Variants in IMMP2L observed in about 807,000 individuals in gnomAD.
IMMP2L encodes the protein inner mitochondrial membrane peptidase subunit 2.
In IMMP2L, 18 loss-of-function variants were observed where a neutral mutation model predicts 19.3. The observed-to-expected ratio is 0.93, with a 90% confidence interval of 0.64 to 1.38. The LOEUF is 1.38. Among genes scored for constraint, IMMP2L ranks in the 40% most tolerant of loss-of-function variants. The pLI is 0.00. For synonymous variants in IMMP2L, 76 were observed against 73.0 expected, an observed-to-expected ratio of 1.04 and a Z score of -0.21; for missense variants, 233 against 218.2, an observed-to-expected ratio of 1.07 and a Z score of -0.43.
At chr7:111,000,425 T>C (rs1173083162) in intron 3 of IMMP2L, among the ~76,000 whole-genome samples, 1 of 152,240 alleles carries the variant, frequency 6.6e-6, no homozygotes, top group Non-Finnish European at 1.5e-5. Flanking sequence ...CATCAGAAGA[T>C]AATGTGATGT....
intron 3 of IMMP2L, among the ~76,000 whole-genome samples, chr7:111,403,173 T>C (rs1833614311): frequency 6.6e-6 from 1 of 152,006 alleles, no homozygotes; most frequent in African/African-American, 2.4e-5. Flanking sequence ...GGTGACTGTA[T>C]CACAGGGCGG....
chr7:110,960,390 C>A (rs1230880473), intron 4 of IMMP2L, among the ~76,000 whole-genome samples: 1 of 151,860 alleles, frequency 6.6e-6, no homozygotes, highest in Non-Finnish European at 1.5e-5. Context: ...CTCTGGGAAT[C>A]ACTAATCTAT....
intron 3 of IMMP2L, among the ~76,000 whole-genome samples, chr7:111,359,445 G>C (rs549248353): frequency 2.0e-5 from 3 of 151,986 alleles, no homozygotes; most frequent in Admixed American, 6.6e-5. Flanking sequence ...GGGATTATAG[G>C]CACCCGCCAC....
intron 4 of IMMP2L, among the ~76,000 whole-genome samples, chr7:110,928,108 GA>G (rs537457460): frequency 6.6e-6 from 1 of 151,368 alleles, no homozygotes; most frequent in Non-Finnish European, 1.5e-5. Context: ...TGAAGTAGAA[GA>G]AAAAAAGAGT....
At chr7:111,438,381 G>A (rs1837398807) in intron 3 of IMMP2L, among the ~76,000 whole-genome samples, 1 of 151,342 alleles carries the variant, frequency 6.6e-6, no homozygotes, top group Non-Finnish European at 1.5e-5. Context: ...ATTAAAAAAA[G>A]AAGATTTTTA....
At chr7:110,859,821 G>A (rs1807205898) in intron 5 of IMMP2L, among the ~76,000 whole-genome samples, 1 of 151,116 alleles carries the variant, frequency 6.6e-6, no homozygotes, top group Non-Finnish European at 1.5e-5. Context: ...TGTGTCTTTT[G>A]TCAGGAGTAA....
chr7:110,836,524 C>A (rs555611506), intron 5 of IMMP2L, among the ~76,000 whole-genome samples: 10 of 152,224 alleles, frequency 6.6e-5, no homozygotes, highest in Non-Finnish European at 1.3e-4. Context: ...GTGAGACGTG[C>A]CTTTCACCTT....
intron 3 of IMMP2L, among the ~76,000 whole-genome samples, chr7:111,432,071 G>C (rs569521678): frequency 6.6e-6 from 1 of 151,938 alleles, no homozygotes; most frequent in African/African-American, 2.4e-5. Flanking sequence ...AGAAGTTCCA[G>C]AGACCTAGAC....
intron 3 of IMMP2L, among the ~76,000 whole-genome samples, chr7:111,048,679 G>C (rs534432283): frequency 6.6e-6 from 1 of 152,170 alleles, no homozygotes; most frequent in Non-Finnish European, 1.5e-5. Context: ...TAGGTACATC[G>C]TCAAGAGGTT....
intron 3 of IMMP2L, among the ~76,000 whole-genome samples, chr7:111,180,521 T>C (rs1027228721): frequency 6.6e-6 from 1 of 151,962 alleles, no homozygotes; most frequent in Non-Finnish European, 1.5e-5. Context: ...CACAGATCAC[T>C]ACAACATATG....
chr7:110,833,921 A>T (rs1416840795), intron 5 of IMMP2L, among the ~76,000 whole-genome samples: 2 of 152,208 alleles, frequency 1.3e-5, no homozygotes, highest in Non-Finnish European at 2.9e-5. Flanking sequence ...AGCCTGATTC[A>T]TGAAGGCCTC....
At chr7:111,508,009 C>G (rs1845094943) in intron 2 of IMMP2L, among the ~76,000 whole-genome samples, 2 of 152,098 alleles carry the variant, frequency 1.3e-5, no homozygotes, top group African/African-American at 2.4e-5. Context: ...TGGGAGGAAA[C>G]TACACAAATC....
At chr7:111,519,847 G>T (rs555409820) in intron 2 of IMMP2L, among the ~76,000 whole-genome samples, 3 of 152,150 alleles carry the variant, frequency 2.0e-5, no homozygotes, top group African/African-American at 7.2e-5. Flanking sequence ...TAGCTGTATA[G>T]CAAGACAGCA....
At chr7:110,911,144 A>G (rs1396844250) in intron 4 of IMMP2L, among the ~76,000 whole-genome samples, 1 of 152,136 alleles carries the variant, frequency 6.6e-6, no homozygotes, top group Non-Finnish European at 1.5e-5. Flanking sequence ...GAACAACCAG[A>G]CATTAAAATT....
At chr7:110,918,580 C>T (rs543230131) in intron 4 of IMMP2L, among the ~76,000 whole-genome samples, 82 of 151,680 alleles carry the variant, frequency 5.4e-4, no homozygotes, top group African/African-American at 1.7e-3. Context: ...CTCAGCCTCC[C>T]GAGAAGCTGG....
chr7:111,111,409 C>G lies in IMMP2L; in HGVS notation c.240-147844G>C, dbSNP rs552093766. 1.8e-4 allele frequency among the ~76,000 whole-genome samples: 27 copies of G among 151,088 alleles called. No homozygotes were observed. In the East Asian group the frequency reaches 3.3e-3, roughly 19 times the overall value. ...AAATTACACTGCTTTCCATCCCCCC[C>G]CAAAAAAAAATGGCCCGTTAGTATT... On this transcript the variant is annotated intron_variant, in intron 3 of 5. Coordinates refer to ENST00000405709, the MANE Select transcript of IMMP2L (RefSeq NM_032549.4).
At chr7:111,318,262 C>A (rs1481942639) in intron 3 of IMMP2L, among the ~76,000 whole-genome samples, 1 of 152,118 alleles carries the variant, frequency 6.6e-6, no homozygotes, top group Non-Finnish European at 1.5e-5. Context: ...AGATGGCGTC[C>A]TTTCCCCAGA....
At chr7:110,722,419 G>T (rs1795631110) in intron 5 of IMMP2L, among the ~76,000 whole-genome samples, 2 of 152,064 alleles carry the variant, frequency 1.3e-5, no homozygotes, top group African/African-American at 4.8e-5. Context: ...AAAGTTGCCA[G>T]TGCACACCTA....
At chr7:111,376,620 A>G (rs1372172095) in intron 3 of IMMP2L, among the ~76,000 whole-genome samples, 1 of 152,178 alleles carries the variant, frequency 6.6e-6, no homozygotes, top group Non-Finnish European at 1.5e-5. Context: ...AGCATTATTC[A>G]TAATAGCTAA....
Sources: gnomAD v4.1 joint callset for allele counts (sites outside exome capture counted in the v4.1 genomes callset) on GRCh38, gnomAD v4.1.1 for gene constraint, MANE v1.5 for transcripts, NCBI Gene and HGNC (gene_info 2026-07-23, HGNC 2026-07-21) for gene names.